The following DHRS7 variants were observed in gnomAD, a reference collection of about 807,000 sequenced individuals.
DHRS7 encodes dehydrogenase/reductase 7.
DHRS7 carries 34 observed loss-of-function variants against 38.9 expected under a neutral mutation model. The ratio of observed to expected loss-of-function variants is 0.87; its 90% confidence interval spans 0.66 to 1.16. The LOEUF (loss-of-function observed/expected upper bound fraction) is 1.16. DHRS7 is among the 50% of genes most tolerant of loss of function. The pLI is 0.00. For synonymous variants in DHRS7, 158 were observed against 153.1 expected (o/e 1.03, Z -0.24); for missense variants, 421 against 407.0 (o/e 1.03, Z -0.30).
At chr14:60,168,849 A>C (rs537282119), upstream of DHRS7, 1 of 1,390,332 alleles carries the variant, frequency 7.2e-7, no homozygotes, top group African/African-American at 1.5e-5. Context: ...AAACCAAAGC[A>C]TAAGGTCAGA....
chr14:60,151,804 A>G (rs1229766816), intron 4 of DHRS7, among the ~76,000 whole-genome samples: 1 of 152,210 alleles, frequency 6.6e-6, no homozygotes, highest in Non-Finnish European at 1.5e-5. Context: ...GCCACATTTT[A>G]TCATAGGATC....
chr14:60,152,999 G>C lies in DHRS7; in HGVS notation c.573C>G (p.Ile191Met). The part of the protein sequence containing the change: ...KQGKIVTVNS[I>M]LGIISVPLSI... ...AAAGAGGTACAGATATGATACCCAG[G>C]ATGCTATTCACAGTAACAATCTTTC... The change falls in exon 4 of 7, where the codon ATC (isoleucine) becomes ATG (methionine). Residue 191 changes from isoleucine to methionine, a missense_variant. Physicochemically the swap from Ile to Met is conservative, Grantham distance 10. Transcript: ENST00000557185. 1 of 1,614,160 alleles carries C rather than the reference G, an allele frequency of 6.2e-7. No individual in the cohort carries two copies. The highest frequency in any genetic ancestry group is 8.5e-7 in the Non-Finnish European group (1 of 1,180,000).
At chr14:60,166,347 A>T (rs150625976), upstream of DHRS7, 546 of 887,304 alleles carry the variant, frequency 6.2e-4, 2 homozygotes, top group African/African-American at 9.2e-3. Context: ...GGCCAAATGG[A>T]GAAAGTTCTG....
At chr14:60,154,898 C>T (rs546705130) in intron 2 of DHRS7, among the ~76,000 whole-genome samples, 27 of 152,096 alleles carry the variant, frequency 1.8e-4, no homozygotes, top group Admixed American at 7.9e-4. Context: ...AAAGAAGTGG[C>T]CCAGTGCAAA....
At position 60,165,041 on chromosome 14, in the gene DHRS7, G is replaced by C; in HGVS notation, c.133+136C>G. The C allele has an allele frequency of 8.7e-7, 1 of 1,148,604 alleles. No individual in the cohort carries two copies. The highest frequency in any genetic ancestry group is 2.6e-5 in the East Asian group (1 of 38,710). The allele number at this position is 1,148,604 out of a possible 1,614,324, so 71.2% of individuals were successfully genotyped here. A position where few individuals can be genotyped will look rare whatever the true frequency, so the allele number is the denominator to read the frequency against. On this transcript the variant is annotated intron_variant, in intron 1 of 6. Coordinates refer to ENST00000557185, the MANE Select transcript of DHRS7 (RefSeq NM_016029.4). This position sits in a 1 kb window ranked among gnomAD's most constrained non-coding sequence, Gnocchi z 4.6. ...CCCAACCCGCAGCCCCTGCGTAAGG[G>C]GCAGCCGGGCCTTCGGGAAGCTCCA...
rs1226745012 is a variant in DHRS7 at position 60,148,252 on chromosome 14, A to G, written c.972+1101T>C. The G allele has an allele frequency of 6.6e-6, 1 of 152,228 alleles. No homozygotes were observed. Among genetic ancestry groups the G allele is most frequent in the East Asian group, 1.9e-4 (1 of 5,198 alleles). The allele number at this position is 152,228 out of a possible 1,614,324, so 9.4% of individuals were successfully genotyped here. On this transcript the variant is annotated intron_variant, in intron 6 of 6. Coordinates refer to ENST00000557185, the MANE Select transcript of DHRS7 (RefSeq NM_016029.4). This position sits in a 1 kb window ranked among gnomAD's most constrained non-coding sequence, Gnocchi z 4.8. ...GGATTGCTTAAATTTTTGCAGGTAT[A>G]TATAGTATGATCTTGTTTTATAATT...
upstream of DHRS7, chr14:60,165,555 T>A: frequency 7.9e-7 from 1 of 1,269,580 alleles, no homozygotes; most frequent in Non-Finnish European, 9.9e-7. This position sits in a 1 kb window ranked among gnomAD's most constrained non-coding sequence, Gnocchi z 4.6. Context: ...GGCAGATTGC[T>A]TGAATTCAAG....
At chr14:60,157,990 T>C (rs1896690878) in intron 1 of DHRS7, among the ~76,000 whole-genome samples, 1 of 152,110 alleles carries the variant, frequency 6.6e-6, no homozygotes, top group Admixed American at 6.6e-5. Flanking sequence ...CCCAGCACTT[T>C]GGGAGGCCAA....
At chr14:60,164,977 C>A (rs904301035) in intron 1 of DHRS7, among the ~76,000 whole-genome samples, 200 bp downstream of exon 1, 2 of 152,238 alleles carry the variant, frequency 1.3e-5, no homozygotes, top group African/African-American at 4.8e-5. Flanking sequence ...CCGACCAGTA[C>A]AGAAGACAAA....
At chr14:60,165,432 C>A (rs1351105866), upstream of DHRS7, 16 of 1,407,390 alleles carry the variant, frequency 1.1e-5, no homozygotes, top group Non-Finnish European at 1.5e-5. The surrounding 1 kb of genome is among the most constrained non-coding windows in gnomAD (Gnocchi z 4.6). Flanking sequence ...CCGGCTCCGC[C>A]CAGGGAGCAG....
rs111364185 is a variant in DHRS7, at chr14:60,153,895, C to T, written c.393+64G>A. On this transcript the variant is annotated intron_variant, in intron 3 of 6. Coordinates refer to ENST00000557185, the MANE Select transcript of DHRS7 (RefSeq NM_016029.4). The surrounding 1 kb of genome is among the most constrained non-coding windows in gnomAD (Gnocchi z 4.4). ...TAAAGCCCTTTGTATGACAGCACCA[C>T]GGATGGGAATCTCTTCTGCAGTTAC... The T allele has an allele frequency of 5.2e-5, 76 of 1,462,186 alleles. 2 individuals are homozygous for T. The highest frequency in any genetic ancestry group is 2.5e-4 in the African/African-American group (18 of 71,848). 90.6% of individuals were successfully genotyped at this position (1,462,186 alleles called of 1,614,324 possible).
rs953527999 is a variant in DHRS7 at position 60,162,567 on chromosome 14, T to C, written c.133+2610A>G. Among the ~76,000 whole-genome samples the C allele has an allele frequency of 1.3e-5, 2 of 152,198 alleles. No homozygotes were observed. The highest frequency in any genetic ancestry group is 4.8e-5 in the African/African-American group (2 of 41,456). ...TTTTTGTATTTTTACTTTTGTATTA[T>C]GTGAGTGTGCTATTTTTTTAAGTGA... On this transcript the variant is annotated intron_variant, in intron 1 of 6. Transcript: ENST00000557185. The surrounding 1 kb of genome is among the most constrained non-coding windows in gnomAD (Gnocchi z 4.5).
chr14:60,167,061 A>G (rs1896877762), upstream of DHRS7, among the ~76,000 whole-genome samples: 2 of 152,234 alleles, frequency 1.3e-5, no homozygotes, highest in Admixed American at 1.3e-4. Flanking sequence ...TGATAGTGCA[A>G]TGGGGTGCCT....
upstream of DHRS7, chr14:60,168,710 A>T (rs778652279): frequency 6.4e-7 from 1 of 1,565,998 alleles, no homozygotes; most frequent in South Asian, 1.2e-5. Flanking sequence ...AGCCTTGGAG[A>T]TAAGCAGAGT....
intron 2 of DHRS7, among the ~76,000 whole-genome samples, chr14:60,155,536 T>G (rs1896640774): frequency 6.6e-6 from 1 of 152,182 alleles, no homozygotes; most frequent in Non-Finnish European, 1.5e-5. Context: ...AAGTATTACC[T>G]CAAGTTGTAT....
chr14:60,146,880 G>A lies in DHRS7; in HGVS notation c.973-1867C>T, dbSNP rs1353629608. 1.3e-5 allele frequency: 2 copies of A among 152,356 alleles called. No homozygotes were observed. Among genetic ancestry groups the A allele is most frequent in the East Asian group, 3.9e-4 (2 of 5,192 alleles). 9.4% of individuals were successfully genotyped at this position (152,356 alleles called of 1,614,324 possible). A position where few individuals can be genotyped will look rare whatever the true frequency, so the allele number is the denominator to read the frequency against. ...CTAAAAAGTCATACTCAAAAGCAGA[G>A]TAGAATGATGGTTGCCAGGAGCCAG... is the stretch of plus-strand genomic sequence containing the variant. On this transcript the variant is annotated intron_variant, in intron 6 of 6. Coordinates refer to ENST00000557185, the MANE Select transcript of DHRS7 (RefSeq NM_016029.4). This position sits in a 1 kb window ranked among gnomAD's most constrained non-coding sequence, Gnocchi z 4.9.
Position 60,154,051 on chromosome 14 carries a change from T to A in DHRS7, c.301A>T (p.Lys101Ter). ...GGCAAAACAAGTATATCTTTTTCTT[T>A]TAAATTGCCATTCTCTAAATAAAGA... ...KRRCLENGNL[K>*]EKDILVLPLD... Residue 101 changes from lysine (K) to a stop codon, truncating the protein, a stop_gained, in exon 3 of 7, where the codon AAA becomes TAA. Coordinates refer to ENST00000557185, the MANE Select transcript of DHRS7 (RefSeq NM_016029.4). LOFTEE classifies it high-confidence loss of function. 1 of 1,613,778 alleles carries A rather than the reference T, an allele frequency of 6.2e-7. No homozygotes were observed. The highest frequency in any genetic ancestry group is 8.5e-7 in the Non-Finnish European group (1 of 1,179,744).
rs1367361318 is a variant in DHRS7 at position 60,148,498 on chromosome 14, T to C, written c.972+855A>G. 6.6e-6 allele frequency among the ~76,000 whole-genome samples: 1 copy of C among 152,214 alleles called. No individual in the cohort carries two copies. Among genetic ancestry groups the C allele is most frequent in the African/African-American group, 2.4e-5 (1 of 41,458 alleles). The stretch of plus-strand genomic sequence containing the variant: ...ATGGTTAATAGTATTCCCTGACTAA[T>C]TGCTATAAAGAATGAGTGCTGAAAG... On this transcript the variant is annotated intron_variant, in intron 6 of 6. Coordinates refer to ENST00000557185, the MANE Select transcript of DHRS7 (RefSeq NM_016029.4). This position sits in a 1 kb window ranked among gnomAD's most constrained non-coding sequence, Gnocchi z 4.8.
At chr14:60,165,593 G>C, upstream of DHRS7, 1 of 1,223,280 alleles carries the variant, frequency 8.2e-7, no homozygotes, top group Non-Finnish European at 1.0e-6. The surrounding 1 kb of genome is among the most constrained non-coding windows in gnomAD (Gnocchi z 4.6). Flanking sequence ...GGCAACATGA[G>C]GAAACCCTGT....
Sources: allele counts gnomAD v4.1 joint callset (sites outside exome capture counted in the v4.1 genomes callset), GRCh38; gene constraint gnomAD v4.1.1; non-coding constraint Gnocchi (gnomAD v3.1); transcripts MANE v1.5; gene names NCBI Gene and HGNC (gene_info 2026-07-23, HGNC 2026-07-21).